KCND2: variants seen among roughly 807,000 people sequenced by gnomAD.
KCND2 encodes the protein A-type voltage-gated potassium channel KCND2.
KCND2 carries 16 observed loss-of-function variants against 54.4 expected under a neutral mutation model. The observed-to-expected ratio is 0.29, with a 90% CI of 0.20 to 0.45. KCND2 has a LOEUF of 0.45. Ranked by LOEUF, KCND2 falls within the 20% of genes least tolerant of loss-of-function variation. The pLI, the probability that KCND2 is intolerant of heterozygous loss-of-function variation, is 1.00. For missense variants in KCND2, 486 were observed against 824.2 expected, an observed-to-expected ratio of 0.59 and a Z score of 5.02; for synonymous variants, 317 against 310.7, an observed-to-expected ratio of 1.02 and a Z score of -0.21.
At chr7:120,690,062 A>AC (rs781088548) in intron 1 of KCND2, among the ~76,000 whole-genome samples, 1 of 152,196 alleles carries the variant, frequency 6.6e-6, no homozygotes, top group Non-Finnish European at 1.5e-5. Flanking sequence ...AAATCACAGC[A>AC]CAAACCTTTC....
chr7:120,610,656 A>T (rs1792942634), intron 1 of KCND2, among the ~76,000 whole-genome samples: 1 of 152,100 alleles, frequency 6.6e-6, no homozygotes, highest in Non-Finnish European at 1.5e-5. Flanking sequence ...CCTTCCCCCA[A>T]ATAAACACGA....
intron 1 of KCND2, among the ~76,000 whole-genome samples, chr7:120,602,439 A>G (rs573682534): frequency 6.6e-6 from 1 of 152,296 alleles, no homozygotes; most frequent in East Asian, 1.9e-4. Flanking sequence ...GGACAGAGGT[A>G]TATGATGTCC....
chr7:120,585,824 T>C (rs7790906), intron 1 of KCND2, among the ~76,000 whole-genome samples: 140,526 of 152,150 alleles, frequency 0.92, 65,468 homozygotes, highest in Middle Eastern at 0.99. Context: ...ATCTTAATCC[T>C]GTAAATGATC....
intron 1 of KCND2, among the ~76,000 whole-genome samples, chr7:120,313,511 G>A (rs913619966): frequency 7.2e-5 from 11 of 152,112 alleles, no homozygotes; most frequent in Non-Finnish European, 1.2e-4. Flanking sequence ...CATAGTTATA[G>A]TTGACTTAAA....
At chr7:120,585,104 C>T (rs1324046324) in intron 1 of KCND2, among the ~76,000 whole-genome samples, 3 of 152,044 alleles carry the variant, frequency 2.0e-5, no homozygotes, top group African/African-American at 7.2e-5. Context: ...AGGTGTGCCT[C>T]TCTTCTTGAG....
chr7:120,554,286 G>A (rs1792135779), intron 1 of KCND2, among the ~76,000 whole-genome samples: 1 of 152,216 alleles, frequency 6.6e-6, no homozygotes, highest in African/African-American at 2.4e-5. Context: ...GTATAGGTTA[G>A]AGCAGCGGTT....
chr7:120,373,391 A>C (rs1305679391), intron 1 of KCND2, among the ~76,000 whole-genome samples: 1 of 151,926 alleles, frequency 6.6e-6, no homozygotes, highest in Non-Finnish European at 1.5e-5. Flanking sequence ...TACATTCATC[A>C]TATCACATTG....
At chr7:120,634,763 CCA>C (rs1219899852) in intron 1 of KCND2, among the ~76,000 whole-genome samples, 1 of 152,180 alleles carries the variant, frequency 6.6e-6, no homozygotes, top group East Asian at 1.9e-4. Flanking sequence ...TAGTAGTATT[CCA>C]CTGGTCTTAG....
chr7:120,681,750 GA>G (rs1199539403), intron 1 of KCND2, among the ~76,000 whole-genome samples: 2 of 151,870 alleles, frequency 1.3e-5, no homozygotes, highest in East Asian at 3.9e-4. Flanking sequence ...AGAATACTAT[GA>G]AAAAAACAGT....
chr7:120,724,077 T>C (rs1345180169), intron 1 of KCND2, among the ~76,000 whole-genome samples: 2 of 152,210 alleles, frequency 1.3e-5, no homozygotes, highest in East Asian at 3.8e-4. Context: ...GCCATATGTA[T>C]TGTTTACCAT....
At chr7:120,423,792 A>G (rs1014024625) in intron 1 of KCND2, among the ~76,000 whole-genome samples, 1 of 152,192 alleles carries the variant, frequency 6.6e-6, no homozygotes, top group Non-Finnish European at 1.5e-5. Flanking sequence ...TCTGGTACGC[A>G]CTGCTGGCAT....
intron 1 of KCND2, among the ~76,000 whole-genome samples, chr7:120,478,013 T>C (rs2116274168): frequency 6.6e-6 from 1 of 152,314 alleles, no homozygotes; most frequent in East Asian, 1.9e-4. Flanking sequence ...TATATTTGAA[T>C]GCTAACAATG....
At chr7:120,312,835 G>A (rs188803730) in intron 1 of KCND2, among the ~76,000 whole-genome samples, 4 of 152,268 alleles carry the variant, frequency 2.6e-5, no homozygotes, top group East Asian at 3.9e-4. Flanking sequence ...GTGGATTAAT[G>A]GGTAGTTGGC....
At chr7:120,450,503 G>A (rs1440230244) in intron 1 of KCND2, among the ~76,000 whole-genome samples, 2 of 152,136 alleles carry the variant, frequency 1.3e-5, no homozygotes, top group Admixed American at 1.3e-4. Flanking sequence ...AGGAAAACTA[G>A]CAGAGAAGGA....
At position 120,275,105 on chromosome 7, in the gene KCND2, G is replaced by C; in HGVS notation, c.473G>C (p.Gly158Ala). 6.2e-7 allele frequency: 1 copy of C among 1,613,754 alleles called. No individual in the cohort carries two copies. The highest frequency in any genetic ancestry group is 8.5e-7 in the Non-Finnish European group (1 of 1,179,900). ...GACGACGCGGATACCGACACCGCTG[G>C]GGAGAGCGCCTTGCCCACCATGACT... The part of the protein sequence containing the change: ...LQDDADTDTA[G>A]ESALPTMTAR... The change falls in exon 1 of 6, where the codon GGG (glycine) becomes GCG (alanine). Residue 158 changes from glycine (G) to alanine (A), a missense_variant. Around this residue, in one of 7 missense-constraint regions of KCND2, gnomAD observed 231 missense variants for 386.0 expected, o/e 0.60. Transcript: ENST00000331113.
At chr7:120,305,034 T>G (rs550826283) in intron 1 of KCND2, among the ~76,000 whole-genome samples, 3 of 152,202 alleles carry the variant, frequency 2.0e-5, no homozygotes, top group African/African-American at 7.2e-5. Context: ...TAATCTTTCA[T>G]GCTTCAAATC....
chr7:120,572,740 A>C (rs1283221857), intron 1 of KCND2, among the ~76,000 whole-genome samples: 1 of 151,976 alleles, frequency 6.6e-6, no homozygotes, highest in Non-Finnish European at 1.5e-5. Flanking sequence ...CTGGTCTTTA[A>C]CTCCTGTCCT....
chr7:120,589,848 A>G (rs1421475875), intron 1 of KCND2, among the ~76,000 whole-genome samples: 3 of 152,182 alleles, frequency 2.0e-5, no homozygotes, highest in Non-Finnish European at 2.9e-5. Flanking sequence ...TGCTAACATC[A>G]TAATGTTGAG....
At chr7:120,420,122 A>G (rs1801590957) in intron 1 of KCND2, among the ~76,000 whole-genome samples, 2 of 152,082 alleles carry the variant, frequency 1.3e-5, no homozygotes, top group Admixed American at 6.6e-5. Flanking sequence ...AAAGTGAGGT[A>G]CATTTGTGTT....
Sources: allele counts gnomAD v4.1 joint callset (sites outside exome capture counted in the v4.1 genomes callset), GRCh38; gene constraint gnomAD v4.1.1; regional missense constraint gnomAD v4.1.1; transcripts MANE v1.5; gene names NCBI Gene and HGNC (gene_info 2026-07-23, HGNC 2026-07-21).